SGSH: variants seen among roughly 807,000 people sequenced by gnomAD.
SGSH encodes N-sulfoglucosamine sulfohydrolase.
In SGSH, 48 loss-of-function variants were observed where a neutral mutation model predicts 51.0. The ratio of observed to expected loss-of-function variants is 0.94; its 90% CI spans 0.75 to 1.20. The LOEUF (loss-of-function observed/expected upper bound fraction) is 1.20, where lower values mean the gene tolerates loss of function less well. Among genes scored for constraint, SGSH ranks in the 50% most tolerant of loss-of-function variants. SGSH has a pLI of 0.00. For missense variants in SGSH, 662 were observed against 717.8 expected (o/e 0.92, Z 0.89); for synonymous variants, 321 against 313.4 (o/e 1.02, Z -0.26).
In SGSH at chr17:80,210,531, TC is replaced by T. The variant is rs781572815; in HGVS notation, c.1429del (p.Asp477ThrfsTer114). The T allele has an allele frequency of 4.3e-6, 7 of 1,611,048 alleles. No individual in the cohort carries two copies. Among genetic ancestry groups the T allele is most frequent in the Non-Finnish European group, 5.9e-6 (7 of 1,179,650 alleles). On this transcript the variant is annotated frameshift_variant, in exon 8 of 8. Coordinates refer to ENST00000326317, the MANE Select transcript of SGSH (RefSeq NM_000199.5). LOFTEE classifies it high-confidence loss of function. ...GCCGTCGGGGGCGCACACCCAGGGG[TC>T]GTGGGTCTCCCACTGCCACTTGGCC... ...QLAKWQWETH[D>X]PWVCAPDGVL... is the part of the protein sequence containing the mutation.
At chr17:80,203,884 AG>A, downstream of SGSH, 1 of 1,594,758 alleles carries the variant, frequency 6.3e-7, no homozygotes. This position sits in a 1 kb window ranked among gnomAD's most constrained non-coding sequence, Gnocchi z 4.6. Context: ...GTGACCCGCA[AG>A]GTGAGGCTCC....
In SGSH at chr17:80,213,551, G is replaced by A; in HGVS notation, c.745+253C>T. The stretch of plus-strand genomic sequence containing the variant: ...CCAGGTCCTGTGACTGGAAATATCT[G>A]AAGTCTTCACGCAACCTCTGGGGCA... On this transcript the variant is annotated intron_variant, in intron 6 of 7. Transcript: ENST00000326317. The surrounding 1 kb of genome is among the most constrained non-coding windows in gnomAD (Gnocchi z 4.6). 5 of 575,128 alleles carry A rather than the reference G, an allele frequency of 8.7e-6. No individual in the cohort carries two copies. Among genetic ancestry groups the A allele is most frequent in the African/African-American group, 1.9e-5 (1 of 53,550 alleles). 35.6% of individuals were successfully genotyped at this position (575,128 alleles called of 1,614,324 possible).
At chr17:80,216,284 G>A (rs1271397699) in intron 2 of SGSH, among the ~76,000 whole-genome samples, 1 of 151,232 alleles carries the variant, frequency 6.6e-6, no homozygotes, top group Non-Finnish European at 1.5e-5. Flanking sequence ...AGCCACGATC[G>A]CACCACAGCA....
chr17:80,217,285 G>C, intron 1 of SGSH, 93 bp from the exon 2 acceptor site: 1 of 1,442,096 alleles, frequency 6.9e-7, no homozygotes, highest in Non-Finnish European at 9.5e-7. Flanking sequence ...GATGCCAGAA[G>C]GCGAGACACC....
Position 80,217,067 on chromosome 17 carries a change from G to C in SGSH, c.214C>G (p.Pro72Ala). The stretch of plus-strand genomic sequence containing the variant: ...CCAGTGAGGAGGCTGGCGCGGCTGG[G>C]AGAGCAGCTGCTGACCGAGGTGAAG... ...NAFTSVSSCS[P>A]SRASLLTGLP... is the part of the protein sequence containing the mutation. Residue 72 changes from proline to alanine, a missense_variant, in exon 2 of 8, where the codon CCC becomes GCC. Physicochemically the swap from Pro to Ala is conservative, Grantham distance 27. Transcript: ENST00000326317. 1 of 1,594,552 alleles carries C rather than the reference G, an allele frequency of 6.3e-7. No individual in the cohort carries two copies. The highest frequency in any genetic ancestry group is 8.5e-7 in the Non-Finnish European group (1 of 1,172,730).
At chr17:80,215,010 T>C (rs754157187) in intron 3 of SGSH, 23 bp downstream of exon 3, 4 of 1,589,766 alleles carry the variant, frequency 2.5e-6, no homozygotes, top group Non-Finnish European at 3.4e-6. Flanking sequence ...CCCCACGCCC[T>C]GTCCTCGGCA....
At chr17:80,217,448 T>C (rs1233346325) in intron 1 of SGSH, among the ~76,000 whole-genome samples, 1 of 152,102 alleles carries the variant, frequency 6.6e-6, no homozygotes, top group African/African-American at 2.4e-5. Context: ...ACTTGGTGGG[T>C]ATGTTAGCAG....
chr17:80,217,113 G>A lies in SGSH; in HGVS notation c.168C>T (p.Arg56=). Residue 56 remains arginine (R), a synonymous_variant, in exon 2 of 8, where the codon CGC becomes CGT. Transcript: ENST00000326317. Reference sequence around the variant, plus strand: ...TGAAGGCATTGCGAAAGAGGAGGCTGCGGCGGGCCAAGGCGTCCAGGTGCG... The same window carrying A: ...TGAAGGCATTGCGAAAGAGGAGGCTACGGCGGGCCAAGGCGTCCAGGTGCG... ...ATPHLDALAR[R]SLLFRNAFTS... 10 of 1,602,786 alleles carry A rather than the reference G, an allele frequency of 6.2e-6. No homozygotes were observed. The highest frequency in any genetic ancestry group is 8.5e-6 in the Non-Finnish European group (10 of 1,176,270).
downstream of SGSH, chr17:80,201,898 C>A (rs753524546): frequency 6.3e-7 from 1 of 1,588,198 alleles, no homozygotes; most frequent in Non-Finnish European, 8.6e-7. The surrounding 1 kb of genome is among the most constrained non-coding windows in gnomAD (Gnocchi z 5.0). Context: ...CTCGTGTGCA[C>A]AGCTGCCTGG....
chr17:80,220,306 C>A lies in SGSH; in HGVS notation c.8G>T (p.Cys3Phe). ...CAGCGCGCAGCAGGCGGGCACGGGGCAGCTCATGGCGGCGGCGGCTCGGAC... is the reference window on the plus strand; with the variant it reads ...CAGCGCGCAGCAGGCGGGCACGGGGAAGCTCATGGCGGCGGCGGCTCGGAC... MS[C>F]PVPACCALLL... The change falls in exon 1 of 8, where the codon TGC (cysteine) becomes TTC (phenylalanine). Residue 3 changes from cysteine (C) to phenylalanine (F), a missense_variant. Coordinates refer to ENST00000326317, the MANE Select transcript of SGSH (RefSeq NM_000199.5). 1 of 1,493,904 alleles carries A rather than the reference C, an allele frequency of 6.7e-7. No homozygotes were observed. The allele number at this position is 1,493,904 out of a possible 1,614,324, so 92.5% of individuals were successfully genotyped here. A position where few individuals can be genotyped will look rare whatever the true frequency, so the allele number is the denominator to read the frequency against.
At chr17:80,205,585 A>G, downstream of SGSH, 2 of 1,552,154 alleles carry the variant, frequency 1.3e-6, no homozygotes, top group Non-Finnish European at 1.7e-6. Flanking sequence ...GACATCATCC[A>G]GGAGGGAGAG....
downstream of SGSH, chr17:80,202,694 C>G (rs1180374976): frequency 5.3e-6 from 6 of 1,124,782 alleles, no homozygotes; most frequent in Non-Finnish European, 5.9e-6. Flanking sequence ...ACGTTTGGGG[C>G]TGGATCCCCG....
chr17:80,206,245 G>A (rs996312719), downstream of SGSH, among the ~76,000 whole-genome samples: 4 of 151,702 alleles, frequency 2.6e-5, no homozygotes, highest in Admixed American at 2.6e-4. Context: ...TGGGAGGATC[G>A]CTTGAGCCCA....
At chr17:80,206,804 A>T (rs113123257), downstream of SGSH, 20 of 426,536 alleles carry the variant, frequency 4.7e-5, 1 homozygote, top group African/African-American at 3.3e-4. Flanking sequence ...AAGAGAGAAG[A>T]AAGTGGCAAG....
downstream of SGSH, chr17:80,207,073 C>T: frequency 6.2e-7 from 1 of 1,613,114 alleles, no homozygotes. Context: ...GAGAAGATGG[C>T]AAAGAAGCTC....
chr17:80,207,749 C>T (rs1484315693), downstream of SGSH: 1 of 223,834 alleles, frequency 4.5e-6, no homozygotes, highest in African/African-American at 2.3e-5. Context: ...CACTCCCTCC[C>T]CCAAGAGCAG....
chr17:80,213,774 C>T lies in SGSH; in HGVS notation c.745+30G>A, dbSNP rs777465002. The T allele has an allele frequency of 1.3e-6, 2 of 1,570,868 alleles. No homozygotes were observed. Among genetic ancestry groups the T allele is most frequent in the South Asian group, 1.2e-5 (1 of 86,800 alleles). ...GGATGGGGGACCCCGGCCGTGGCAC[C>T]CCCTCCAGTGCCCGGTTCTGCAAGC... On this transcript the variant is annotated intron_variant, in intron 6 of 7. Transcript: ENST00000326317. This position sits in a 1 kb window ranked among gnomAD's most constrained non-coding sequence, Gnocchi z 4.6.
intron 1 of SGSH, among the ~76,000 whole-genome samples, chr17:80,217,970 GGTA>G (rs1446471901): frequency 6.6e-6 from 1 of 151,850 alleles, no homozygotes; most frequent in African/African-American, 2.4e-5. Flanking sequence ...AGGCAAGCCT[GGTA>G]CCTGCATAGG....
chr17:80,210,982 A>C lies in SGSH; in HGVS notation c.979T>G (p.Ser327Ala), dbSNP rs1200062079. The C allele has an allele frequency of 1.9e-6, 3 of 1,599,200 alleles. No homozygotes were observed. The highest frequency in any genetic ancestry group is 3.3e-5 in the Admixed American group (2 of 60,006). The stretch of plus-strand genomic sequence containing the variant: ...ATGGCGTAGCTGGGGTACGGGATCG[A>C]GAACCAATCCAAGATGGTGGGCGTG... ...DLTPTILDWF[S>A]IPYPSYAIFG... is the part of the protein sequence containing the mutation. Residue 327 changes from serine to alanine, a missense_variant, in exon 8 of 8, where the codon TCG becomes GCG. Ser to Ala is a moderately conservative substitution (Grantham distance 99). Transcript: ENST00000326317.
Sources: gnomAD v4.1 joint callset for allele counts (sites outside exome capture counted in the v4.1 genomes callset) on GRCh38, gnomAD v4.1.1 for gene constraint, Gnocchi (gnomAD v3.1) non-coding constraint, MANE v1.5 for transcripts, NCBI Gene and HGNC (gene_info 2026-07-23, HGNC 2026-07-21) for gene names.